Variants in RALYL observed in about 807,000 individuals in gnomAD.
RALYL encodes RNA-binding Raly-like protein.
RALYL carries 29 observed loss-of-function variants against 35.1 expected under a neutral mutation model. That is an observed-to-expected ratio of 0.83 (90% CI 0.61 to 1.13). The LOEUF is 1.13. Ranked by LOEUF, RALYL falls within the 50% of genes most tolerant of loss-of-function variation. The probability of loss-of-function intolerance (pLI) is 0.00; values close to 1 mark genes in which losing one functional copy is unlikely to be tolerated. For missense variants in RALYL, 359 were observed against 360.4 expected, an observed-to-expected ratio of 1.00 and a Z score of 0.03; for synonymous variants, 120 against 127.6, an observed-to-expected ratio of 0.94 and a Z score of 0.40.
intron 4 of RALYL, among the ~76,000 whole-genome samples, chr8:84,845,238 C>A (rs139223687): frequency 6.6e-6 from 1 of 152,160 alleles, no homozygotes; most frequent in East Asian, 1.9e-4. Context: ...CAATCAATAG[C>A]AATTGAATGC....
chr8:84,228,666 T>C (rs1421377007), intron 1 of RALYL, among the ~76,000 whole-genome samples: 2 of 152,186 alleles, frequency 1.3e-5, no homozygotes, highest in African/African-American at 4.8e-5. Flanking sequence ...GGTCTCATAA[T>C]GCTATGAAGA....
At chr8:84,865,348 C>T (rs1360541360) in intron 6 of RALYL, among the ~76,000 whole-genome samples, 13 of 152,070 alleles carry the variant, frequency 8.5e-5, no homozygotes, top group Admixed American at 8.5e-4. Context: ...AATGGTTTGG[C>T]AAGTTCAGAA....
At chr8:84,814,119 G>GATA (rs544913423) in intron 4 of RALYL, among the ~76,000 whole-genome samples, 93 of 152,180 alleles carry the variant, frequency 6.1e-4, no homozygotes, top group African/African-American at 2.0e-3. Flanking sequence ...AAAAGATTTA[G>GATA]ATAATAATTT....
chr8:84,305,876 G>C (rs1176557780), intron 1 of RALYL, among the ~76,000 whole-genome samples: 2 of 152,118 alleles, frequency 1.3e-5, no homozygotes, highest in African/African-American at 4.8e-5. Flanking sequence ...TGTTGAGGAA[G>C]AAAACAAAGA....
chr8:84,273,059 T>A lies in RALYL; in HGVS notation c.-24+88635T>A, dbSNP rs1028263047. ...CATTTGTCAGCACTGAAAATTTATG[T>A]TGATCATAACGTTTTATAGTCAGAG... is the stretch of plus-strand genomic sequence containing the variant. On this transcript the variant is annotated intron_variant, in intron 1 of 8. Coordinates refer to ENST00000521268, the MANE Select transcript of RALYL (RefSeq NM_173848.7). Among the ~76,000 whole-genome samples, 5 of 152,368 alleles carry A rather than the reference T, an allele frequency of 3.3e-5. No individual in the cohort carries two copies. The East Asian group carries it at 5.8e-4, about 18-fold the overall frequency.
intron 2 of RALYL, among the ~76,000 whole-genome samples, chr8:84,765,238 T>G (rs1463369084): frequency 6.6e-6 from 1 of 152,182 alleles, no homozygotes; most frequent in East Asian, 1.9e-4. Context: ...CAGGCTGCTT[T>G]CCACAGCCAA....
chr8:84,690,704 A>G lies in RALYL; in HGVS notation c.257-83875A>G, dbSNP rs529772624. ...AATAAATTTCTAAGGTAAAGGAACTATTGTTTTTAATAAAATTAACTGTTT... is the reference window on the plus strand; with the variant it reads ...AATAAATTTCTAAGGTAAAGGAACTGTTGTTTTTAATAAAATTAACTGTTT... On this transcript the variant is annotated intron_variant, in intron 2 of 8. Transcript: ENST00000521268. Among the ~76,000 whole-genome samples the G allele has an allele frequency of 1.1e-3, 172 of 152,192 alleles. 3 individuals are homozygous for G. In the South Asian group the frequency reaches 0.019, roughly 17 times the overall value.
At chr8:84,426,434 C>CTGTG (rs1310031203) in intron 1 of RALYL, among the ~76,000 whole-genome samples, 127 of 64,720 alleles carry the variant, frequency 2.0e-3, no homozygotes, top group Admixed American at 3.2e-3. Flanking sequence ...TTCTCTCTCT[C>CTGTG]TCTCTGTGTG....
At chr8:84,469,623 C>G (rs1025722709) in intron 1 of RALYL, among the ~76,000 whole-genome samples, 1 of 152,190 alleles carries the variant, frequency 6.6e-6, no homozygotes, top group African/African-American at 2.4e-5. Flanking sequence ...AGAGGTGGAG[C>G]CTACAGAGGA....
intron 1 of RALYL, among the ~76,000 whole-genome samples, chr8:84,498,758 C>T (rs1228582232): frequency 6.6e-6 from 1 of 151,936 alleles, no homozygotes; most frequent in Non-Finnish European, 1.5e-5. Context: ...ACAGATGACT[C>T]TTATATATTA....
intron 4 of RALYL, among the ~76,000 whole-genome samples, chr8:84,845,678 A>G (rs1834489109): frequency 6.6e-6 from 1 of 152,114 alleles, no homozygotes; most frequent in South Asian, 2.1e-4. Context: ...ATTATGTCCT[A>G]CTTGTCAATT....
intron 1 of RALYL, among the ~76,000 whole-genome samples, chr8:84,516,023 G>A (rs2058035628): frequency 6.6e-6 from 1 of 151,388 alleles, no homozygotes; most frequent in Non-Finnish European, 1.5e-5. Context: ...GGCAGGGTAG[G>A]GGGCGGTGTG....
At chr8:84,496,128 G>A (rs1328968804) in intron 1 of RALYL, among the ~76,000 whole-genome samples, 1 of 151,956 alleles carries the variant, frequency 6.6e-6, no homozygotes, top group African/African-American at 2.4e-5. Flanking sequence ...GTATCCTAGA[G>A]GTTTTTAGTT....
At chr8:84,281,721 G>T (rs547581508) in intron 1 of RALYL, among the ~76,000 whole-genome samples, 2 of 151,800 alleles carry the variant, frequency 1.3e-5, no homozygotes, top group Non-Finnish European at 2.9e-5. Context: ...GTGTGTGCAC[G>T]CATGTATATA....
In RALYL at chr8:84,496,512, G is replaced by A. The variant is rs553970185; in HGVS notation, c.-23-32787G>A. On this transcript the variant is annotated intron_variant, in intron 1 of 8. Coordinates refer to ENST00000521268, the MANE Select transcript of RALYL (RefSeq NM_173848.7). Reference sequence around the variant, plus strand: ...TCATCTCACAACCATGGCATTATTGGCATAGTTCTCTAACCAAGCAAATGA... The same window carrying A: ...TCATCTCACAACCATGGCATTATTGACATAGTTCTCTAACCAAGCAAATGA... 1.8e-4 allele frequency among the ~76,000 whole-genome samples: 27 copies of A among 152,122 alleles called. 1 individual carries two copies. The highest frequency in any genetic ancestry group is 1.4e-3 in the Admixed American group (21 of 15,268).
chr8:84,779,747 C>G (rs1164680614), intron 3 of RALYL, among the ~76,000 whole-genome samples: 2 of 152,172 alleles, frequency 1.3e-5, no homozygotes, highest in African/African-American at 4.8e-5. Flanking sequence ...AGAGCACAGA[C>G]CAAGTAAGGT....
At chr8:84,605,460 T>G (rs2130802566) in intron 2 of RALYL, among the ~76,000 whole-genome samples, 1 of 152,220 alleles carries the variant, frequency 6.6e-6, no homozygotes, top group Admixed American at 6.5e-5. Flanking sequence ...GATTCTGTGC[T>G]CTTAACCTCT....
chr8:84,887,747 G>A lies in RALYL; in HGVS notation c.829G>A (p.Asp277Asn), dbSNP rs1199413977. The change falls in exon 8 of 9, where the codon GAC becomes AAC. Residue 277 changes from aspartate (D) to asparagine (N), a missense_variant. Transcript: ENST00000521268. ...GEEMTDGIEEDFDEDGGHELF... is the reference protein window; with the variant it reads ...GEEMTDGIEENFDEDGGHELF... ...AGAGATGACAGATGGGATAGAGGAG[G>A]ACTTCGATGAAGATGGGGGTCATGA... 1.2e-6 allele frequency: 2 copies of A among 1,613,658 alleles called. No individual in the cohort carries two copies. The highest frequency in any genetic ancestry group is 1.7e-6 in the Non-Finnish European group (2 of 1,179,710).
chr8:84,274,640 TC>T (rs1244689060), intron 1 of RALYL, among the ~76,000 whole-genome samples: 1 of 152,196 alleles, frequency 6.6e-6, no homozygotes, highest in East Asian at 1.9e-4. Flanking sequence ...AAGAGACTGC[TC>T]CTTTGGTGTT....
Sources: allele counts gnomAD v4.1 joint callset (sites outside exome capture counted in the v4.1 genomes callset), GRCh38; gene constraint gnomAD v4.1.1; transcripts MANE v1.5; gene names NCBI Gene and HGNC (gene_info 2026-07-23, HGNC 2026-07-21).